UGGT2: variants seen among roughly 807,000 people sequenced by gnomAD.
UGGT2 encodes the protein UDP-glucose:glycoprotein glucosyltransferase 2.
UGGT2 carries 180 observed loss-of-function variants against 192.1 expected under a neutral mutation model. The ratio of observed to expected loss-of-function variants is 0.94; its 90% CI spans 0.83 to 1.06. The LOEUF (loss-of-function observed/expected upper bound fraction) is 1.06. Among genes scored for constraint, UGGT2 ranks in the 50% least tolerant of loss-of-function variants. UGGT2 has a pLI of 0.00. For synonymous variants in UGGT2, 580 were observed against 591.0 expected, an observed-to-expected ratio of 0.98 and a Z score of 0.27; for missense variants, 1,849 against 1,795.7, an observed-to-expected ratio of 1.03 and a Z score of -0.54.
At chr13:95,999,500 C>T (rs868440662) in intron 5 of UGGT2, among the ~76,000 whole-genome samples, 193 bp from the exon 6 acceptor site, 4 of 152,118 alleles carry the variant, frequency 2.6e-5, no homozygotes, top group Admixed American at 6.6e-5. Flanking sequence ...TTAATGACTA[C>T]TCTGTAAAAA....
chr13:96,000,078 CCA>C (rs763352539), intron 5 of UGGT2, among the ~76,000 whole-genome samples: 8 of 152,172 alleles, frequency 5.3e-5, no homozygotes, highest in Non-Finnish European at 8.8e-5. Flanking sequence ...GTTCCAGCTT[CCA>C]GACTGAAATT....
intron 35 of UGGT2, 21 bp from the exon 36 acceptor site, chr13:95,853,678 T>C (rs1322916368): frequency 6.6e-7 from 1 of 1,507,820 alleles, no homozygotes; most frequent in Non-Finnish European, 8.9e-7. Context: ...GAATTACTTC[T>C]TGATAGCCTA....
At chr13:95,962,423 C>A (rs764694190) in intron 12 of UGGT2, among the ~76,000 whole-genome samples, 1 of 151,942 alleles carries the variant, frequency 6.6e-6, no homozygotes, top group Non-Finnish European at 1.5e-5. Context: ...GAAAACTATA[C>A]ACTAACAAAC....
Position 95,893,121 on chromosome 13 carries a change from C to T in UGGT2, c.2855+1441G>A, listed in dbSNP as rs915299029. Among the ~76,000 whole-genome samples, 4 of 152,232 alleles carry T rather than the reference C, an allele frequency of 2.6e-5. No homozygotes were observed. The South Asian group carries it at 6.2e-4, about 24-fold the overall frequency. ...TCACTTTATTCCAGATTTCAATATA[C>T]TCCTACTCTTTCTCCTTTTGCAAAC... On this transcript the variant is annotated intron_variant, in intron 24 of 38. Transcript: ENST00000376747.
intron 7 of UGGT2, among the ~76,000 whole-genome samples, chr13:95,992,907 C>T (rs899518449): frequency 6.6e-6 from 1 of 152,198 alleles, no homozygotes; most frequent in Admixed American, 6.5e-5. Flanking sequence ...ACCCAGTAAT[C>T]TCATTACTGG....
chr13:95,894,845 C>A (rs1027095939), intron 23 of UGGT2, among the ~76,000 whole-genome samples, 188 bp from the exon 24 acceptor site: 1 of 152,064 alleles, frequency 6.6e-6, no homozygotes, highest in East Asian at 1.9e-4. Flanking sequence ...ACAATAAACA[C>A]CAATAATGGA....
intron 29 of UGGT2, among the ~76,000 whole-genome samples, chr13:95,868,948 A>G (rs539778120): frequency 9.5e-4 from 144 of 151,878 alleles, no homozygotes; most frequent in African/African-American, 3.1e-3. Context: ...GGTTTGTTAC[A>G]TATGTATACA....
chr13:95,856,286 A>T lies in UGGT2; in HGVS notation c.3880T>A (p.Tyr1294Asn), dbSNP rs1260510855. 5.0e-6 allele frequency: 8 copies of T among 1,613,508 alleles called. No individual in the cohort carries two copies. The highest frequency in any genetic ancestry group is 6.8e-6 in the Non-Finnish European group (8 of 1,179,788). Reference sequence around the variant, plus strand: ...TGACGAAGCCAACGGGGCCACCTATATTGAACTAGTTCATATCGGAATCCA... The same window carrying T: ...TGACGAAGCCAACGGGGCCACCTATTTTGAACTAGTTCATATCGGAATCCA... Reference protein sequence around the residue: ...EYGFRYELVQYRWPRWLRQQT... With the variant: ...EYGFRYELVQNRWPRWLRQQT... The change falls in exon 34 of 39, where the codon TAT (tyrosine) becomes AAT (asparagine). Residue 1294 changes from tyrosine to asparagine, a missense_variant. Physicochemically the swap from Tyr to Asn is moderately radical, Grantham distance 143 (BLOSUM62 -2). Transcript: ENST00000376747.
chr13:95,954,139 A>G (rs2050146618), intron 12 of UGGT2, among the ~76,000 whole-genome samples: 1 of 152,202 alleles, frequency 6.6e-6, no homozygotes, highest in East Asian at 1.9e-4. Flanking sequence ...CATACACACA[A>G]TTTAAAAAAA....
intron 12 of UGGT2, among the ~76,000 whole-genome samples, chr13:95,968,995 G>T (rs1168691775): frequency 6.6e-6 from 1 of 152,084 alleles, no homozygotes; most frequent in African/African-American, 2.4e-5. Context: ...AGAGTGTTTT[G>T]CACAGTTAGG....
intron 36 of UGGT2, among the ~76,000 whole-genome samples, chr13:95,843,273 T>G (rs1477449752): frequency 6.6e-6 from 1 of 152,198 alleles, no homozygotes; most frequent in Non-Finnish European, 1.5e-5. Flanking sequence ...TATATATCCT[T>G]TCAACACTTG....
chr13:96,049,276 C>A (rs2053414834), intron 1 of UGGT2, among the ~76,000 whole-genome samples: 1 of 152,208 alleles, frequency 6.6e-6, no homozygotes. Flanking sequence ...TGACAAAATT[C>A]AACAGCCCTT....
intron 20 of UGGT2, among the ~76,000 whole-genome samples, chr13:95,916,624 C>G (rs2048689277): frequency 6.6e-6 from 1 of 152,108 alleles, no homozygotes; most frequent in Non-Finnish European, 1.5e-5. Flanking sequence ...GGAGCATGTT[C>G]TAACCCAATG....
At chr13:95,856,721 AGGTT>A (rs1889656174) in intron 33 of UGGT2, 1 of 372,288 alleles carries the variant, frequency 2.7e-6, no homozygotes, top group Non-Finnish European at 5.1e-6. Context: ...ATATGTCAAC[AGGTT>A]GGTTGGTCAG....
chr13:95,891,236 A>G (rs996493161), intron 24 of UGGT2, among the ~76,000 whole-genome samples: 1 of 152,164 alleles, frequency 6.6e-6, no homozygotes, highest in African/African-American at 2.4e-5. Context: ...AAAAACTCTG[A>G]TAATTTTAGG....
At chr13:95,939,634 T>C (rs139381967) in intron 16 of UGGT2, among the ~76,000 whole-genome samples, 1,945 of 152,302 alleles carry the variant, frequency 0.013, 38 homozygotes, top group African/African-American at 0.045. Context: ...CTAATTATCA[T>C]ATGCATTACC....
intron 38 of UGGT2, among the ~76,000 whole-genome samples, chr13:95,807,714 A>ACCTTTTTTT (rs1274271205): frequency 5.2e-5 from 2 of 38,626 alleles, no homozygotes; most frequent in Non-Finnish European, 1.0e-4. Context: ...CTCAGCCCTC[A>ACCTTTTTTT]CCTTTTTTTT....
At chr13:96,009,020 A>G (rs568492157) in intron 5 of UGGT2, among the ~76,000 whole-genome samples, 18 of 152,338 alleles carry the variant, frequency 1.2e-4, no homozygotes, top group African/African-American at 3.6e-4. Flanking sequence ...CAGAATAGAC[A>G]GCCCAGAAAT....
At chr13:95,842,967 T>C (rs1888021953) in intron 36 of UGGT2, among the ~76,000 whole-genome samples, 1 of 152,176 alleles carries the variant, frequency 6.6e-6, no homozygotes, top group Non-Finnish European at 1.5e-5. Flanking sequence ...ACACAAACTG[T>C]TTGTTGTTTT....
Sources: gnomAD v4.1 joint callset for allele counts (sites outside exome capture counted in the v4.1 genomes callset) on GRCh38, gnomAD v4.1.1 for gene constraint, MANE v1.5 for transcripts, NCBI Gene and HGNC (gene_info 2026-07-23, HGNC 2026-07-21) for gene names.